The following ABL1 variants were observed in gnomAD, a reference collection of about 807,000 sequenced individuals.
ABL1 encodes tyrosine-protein kinase ABL1.
ABL1 carries 11 observed loss-of-function variants against 94.7 expected under a neutral mutation model. The ratio of observed to expected loss-of-function variants is 0.12; its 90% CI spans 0.07 to 0.19. The LOEUF is 0.19. Among genes scored for constraint, ABL1 ranks in the 10% least tolerant of loss-of-function variants. ABL1 has a pLI of 1.00. For missense variants in ABL1, 1,082 were observed against 1,489.4 expected (o/e 0.73, Z 4.50); for synonymous variants, 656 against 622.4 (o/e 1.05, Z -0.80).
intron 1 of ABL1, among the ~76,000 whole-genome samples, chr9:130,798,278 T>C (rs1437366101): frequency 6.6e-6 from 1 of 152,184 alleles, no homozygotes. Flanking sequence ...TACATGAAAG[T>C]GAAGGCTCTG....
chr9:130,868,889 C>T (rs552323442), intron 4 of ABL1, among the ~76,000 whole-genome samples: 44 of 151,708 alleles, frequency 2.9e-4, no homozygotes, highest in Non-Finnish European at 1.3e-4. Context: ...CTATGAGGGC[C>T]GGGTGCAGTG....
At chr9:130,852,106 A>T (rs543583570) in intron 1 of ABL1, among the ~76,000 whole-genome samples, 101 of 152,280 alleles carry the variant, frequency 6.6e-4, no homozygotes, top group Middle Eastern at 6.8e-3. Context: ...AAAAATTACT[A>T]AACATCATAA....
At chr9:130,883,740 C>T (rs1256115487) in intron 10 of ABL1, among the ~76,000 whole-genome samples, 1 of 152,152 alleles carries the variant, frequency 6.6e-6, no homozygotes, top group African/African-American at 2.4e-5. Context: ...GAATAAGGGG[C>T]TGTGTCCCAC....
intron 1 of ABL1, among the ~76,000 whole-genome samples, chr9:130,801,721 T>C (rs1830058052): frequency 1.3e-5 from 2 of 152,194 alleles, no homozygotes; most frequent in East Asian, 3.8e-4. Flanking sequence ...CTTATAGATG[T>C]TTCACTGTCT....
chr9:130,845,841 CAA>C (rs1830759983), intron 1 of ABL1, among the ~76,000 whole-genome samples: 1 of 150,794 alleles, frequency 6.6e-6, no homozygotes, highest in Non-Finnish European at 1.5e-5. Context: ...ACCCGGGCAA[CAA>C]GAGCAAAACT....
rs189456461 is a variant in ABL1, at chr9:130,762,065, C to T, written c.136+47610C>T. Among the ~76,000 whole-genome samples the T allele has an allele frequency of 2.8e-3, 425 of 151,126 alleles. 1 individual carries two copies. Among genetic ancestry groups the T allele is most frequent in the Non-Finnish European group, 4.7e-3 (322 of 67,948 alleles). On this transcript the variant is annotated intron_variant, in intron 1 of 10. Transcript: ENST00000372348. The stretch of plus-strand genomic sequence containing the variant: ...GGCTGAGGCAGGAGAATCACTTGAA[C>T]CTGGGAGGCGAAGTTTGTGGGGACC...
chr9:130,869,747 TAAAGG>T (rs1317037138), intron 4 of ABL1, among the ~76,000 whole-genome samples: 6 of 152,176 alleles, frequency 3.9e-5, no homozygotes, highest in Non-Finnish European at 8.8e-5. Flanking sequence ...TTAATGAAAG[TAAAGG>T]AATGTCACAG....
At chr9:130,744,402 A>G (rs1588219281) in intron 1 of ABL1, among the ~76,000 whole-genome samples, 1 of 150,420 alleles carries the variant, frequency 6.6e-6, no homozygotes, top group East Asian at 2.0e-4. Flanking sequence ...CGGCCTCCCA[A>G]AGTGCTGGGA....
intron 1 of ABL1, among the ~76,000 whole-genome samples, chr9:130,818,755 C>T (rs920022777): frequency 4.6e-5 from 7 of 152,210 alleles, no homozygotes; most frequent in African/African-American, 1.7e-4. Context: ...TTAAATTGCC[C>T]TTTCACCTTT....
intron 1 of ABL1, among the ~76,000 whole-genome samples, chr9:130,748,916 A>T (rs1247803074): frequency 6.6e-6 from 1 of 152,196 alleles, no homozygotes; most frequent in Non-Finnish European, 1.5e-5. Flanking sequence ...ACTCTAAATT[A>T]TGCTTATTTA....
At chr9:130,750,276 C>A (rs192691156) in intron 1 of ABL1, among the ~76,000 whole-genome samples, 1,850 of 143,480 alleles carry the variant, frequency 0.013, 54 homozygotes, top group African/African-American at 0.045. Context: ...CTGGTAAAGG[C>A]TTTTTCATTA....
intron 1 of ABL1, among the ~76,000 whole-genome samples, chr9:130,764,466 T>A (rs1443189087): frequency 6.6e-6 from 1 of 152,218 alleles, no homozygotes; most frequent in African/African-American, 2.4e-5. Context: ...GTGCTTCTTC[T>A]TGTAACAATG....
chr9:130,715,901 C>T (rs1189418995), intron 1 of ABL1, among the ~76,000 whole-genome samples: 1 of 151,944 alleles, frequency 6.6e-6, no homozygotes, highest in Non-Finnish European at 1.5e-5. Flanking sequence ...TTGACGTTTG[C>T]AGTAATGGTA....
At chr9:130,802,294 A>G (rs1830066241) in intron 1 of ABL1, among the ~76,000 whole-genome samples, 3 of 151,686 alleles carry the variant, frequency 2.0e-5, no homozygotes, top group South Asian at 4.2e-4. Context: ...GAGTCTTGCC[A>G]TGTTGCCCAG....
intron 1 of ABL1, among the ~76,000 whole-genome samples, chr9:130,792,543 G>A (rs1243486456): frequency 6.6e-6 from 1 of 152,004 alleles, no homozygotes; most frequent in Admixed American, 6.6e-5. Context: ...TGTGATTTCT[G>A]ACCTGGGACC....
intron 1 of ABL1, among the ~76,000 whole-genome samples, chr9:130,726,562 T>C (rs1017252795): frequency 2.0e-5 from 3 of 152,174 alleles, no homozygotes; most frequent in Non-Finnish European, 4.4e-5. Flanking sequence ...TATTAATCTT[T>C]TCAAAAAAAA....
At chr9:130,742,185 T>A (rs1226476432) in intron 1 of ABL1, among the ~76,000 whole-genome samples, 2 of 152,130 alleles carry the variant, frequency 1.3e-5, no homozygotes, top group Non-Finnish European at 1.5e-5. Context: ...GGAGTACTGG[T>A]ACTTTTTGCC....
intron 1 of ABL1, among the ~76,000 whole-genome samples, chr9:130,780,895 T>C (rs1021892860): frequency 7.2e-5 from 11 of 152,198 alleles, no homozygotes; most frequent in Non-Finnish European, 1.3e-4. Flanking sequence ...AAGAAGGTGA[T>C]CAGACCCTAA....
Position 130,862,824 on chromosome 9 carries a change from C to T in ABL1, c.611C>T (p.Thr204Met), listed in dbSNP as rs370646520. The change falls in exon 4 of 11, where the codon ACG (threonine) becomes ATG (methionine). Residue 204 changes from threonine to methionine, a missense_variant. Coordinates refer to ENST00000318560, the MANE Select transcript of ABL1 (RefSeq NM_005157.6). This position sits in a 1 kb window ranked among gnomAD's most constrained non-coding sequence, Gnocchi z 5.5. ...GCCGAGTTGGTTCATCATCATTCAA[C>T]GGTGGCCGACGGGCTCATCACCACG... is the stretch of plus-strand genomic sequence containing the variant. ...TLAELVHHHS[T>M]VADGLITTLH... is the part of the protein sequence containing the mutation. The T allele has an allele frequency of 8.7e-6, 14 of 1,614,050 alleles. No individual in the cohort carries two copies. The highest frequency in any genetic ancestry group is 2.2e-5 in the East Asian group (1 of 44,874).
Sources: gnomAD v4.1 joint callset for allele counts (sites outside exome capture counted in the v4.1 genomes callset) on GRCh38, gnomAD v4.1.1 for gene constraint, Gnocchi (gnomAD v3.1) non-coding constraint, MANE v1.5 for transcripts, NCBI Gene and HGNC (gene_info 2026-07-23, HGNC 2026-07-21) for gene names.